Variants in LRP1B observed in about 807,000 individuals in gnomAD.
The protein encoded by LRP1B is low-density lipoprotein receptor-related protein 1B.
In LRP1B, 217 loss-of-function variants were observed where a neutral mutation model predicts 556.6. The observed-to-expected ratio is 0.39, with a 90% CI of 0.35 to 0.44. The LOEUF (loss-of-function observed/expected upper bound fraction) is 0.44, where lower values mean the gene tolerates loss of function less well. Ranked by LOEUF, LRP1B falls within the 20% of genes least tolerant of loss-of-function variation. The pLI is 1.00. For missense variants in LRP1B, 5,053 were observed against 5,620.8 expected, an observed-to-expected ratio of 0.90 and a Z score of 3.23; for synonymous variants, 2,047 against 1,865.8, an observed-to-expected ratio of 1.10 and a Z score of -2.50.
intron 25 of LRP1B, among the ~76,000 whole-genome samples, chr2:140,872,360 A>ATTT (rs59469282): frequency 0.019 from 1,132 of 60,440 alleles, 122 homozygotes; most frequent in East Asian, 0.15. Flanking sequence ...GTGTCACCTG[A>ATTT]TTTTTTTTTT....
At chr2:141,634,799 A>G (rs1195281935) in intron 2 of LRP1B, among the ~76,000 whole-genome samples, 1 of 152,000 alleles carries the variant, frequency 6.6e-6, no homozygotes, top group Non-Finnish European at 1.5e-5. Flanking sequence ...GACCCATTTC[A>G]GCTACGAGAG....
intron 1 of LRP1B, among the ~76,000 whole-genome samples, chr2:141,947,822 A>AG (rs201990088): frequency 8.4e-6 from 1 of 119,482 alleles, no homozygotes. Flanking sequence ...ATCAGAAAAA[A>AG]AAAACAACAA....
intron 2 of LRP1B, among the ~76,000 whole-genome samples, chr2:141,738,845 A>G (rs1693590502): frequency 2.0e-5 from 3 of 152,164 alleles, no homozygotes; most frequent in Admixed American, 2.0e-4. Context: ...TGTGATTAGG[A>G]AATGCCCACA....
At chr2:141,269,497 G>A (rs1215366137) in intron 3 of LRP1B, among the ~76,000 whole-genome samples, 1 of 152,104 alleles carries the variant, frequency 6.6e-6, no homozygotes, top group Non-Finnish European at 1.5e-5. Context: ...TAAACAGATA[G>A]TCAAAGAGAA....
chr2:141,995,404 T>C (rs1369275939), intron 1 of LRP1B, among the ~76,000 whole-genome samples: 1 of 152,202 alleles, frequency 6.6e-6, no homozygotes, highest in Admixed American at 6.6e-5. Flanking sequence ...TTAGCTCATC[T>C]GCTTCTGACT....
intron 1 of LRP1B, among the ~76,000 whole-genome samples, chr2:141,985,839 C>T (rs1407515691): frequency 6.6e-6 from 1 of 151,806 alleles, no homozygotes; most frequent in African/African-American, 2.4e-5. Flanking sequence ...TGTTTCACCT[C>T]AATGAATCCC....
chr2:142,118,554 A>G (rs1425244092), intron 1 of LRP1B, among the ~76,000 whole-genome samples: 1 of 152,094 alleles, frequency 6.6e-6, no homozygotes, highest in Admixed American at 6.6e-5. Context: ...TTTACCTAAT[A>G]TATAAATAAC....
At chr2:141,061,644 C>T (rs564722742) in intron 8 of LRP1B, among the ~76,000 whole-genome samples, 1 of 151,890 alleles carries the variant, frequency 6.6e-6, no homozygotes, top group African/African-American at 2.4e-5. Flanking sequence ...CAGCCATTTG[C>T]TTTTGTTAGC....
chr2:140,984,175 CT>C (rs978337268), intron 17 of LRP1B, among the ~76,000 whole-genome samples: 1 of 151,750 alleles, frequency 6.6e-6, no homozygotes, highest in African/African-American at 2.4e-5. Context: ...TAATTTTTCC[CT>C]TACATATCTC....
At chr2:140,878,743 A>C (rs1029100355) in intron 25 of LRP1B, among the ~76,000 whole-genome samples, 30 of 152,272 alleles carry the variant, frequency 2.0e-4, no homozygotes, top group African/African-American at 6.7e-4. Flanking sequence ...GTGGTGGCTC[A>C]TGCTTGTAAT....
chr2:140,759,215 A>T (rs1688838767), intron 35 of LRP1B, among the ~76,000 whole-genome samples: 1 of 152,124 alleles, frequency 6.6e-6, no homozygotes, highest in South Asian at 2.1e-4. Context: ...TGTTGATGCT[A>T]TTAATATTAG....
At chr2:140,572,823 A>AAAATAAAATAAAATC (rs1304316017) in intron 43 of LRP1B, among the ~76,000 whole-genome samples, 1 of 151,180 alleles carries the variant, frequency 6.6e-6, no homozygotes, top group African/African-American at 2.4e-5. Context: ...AAAATAAAAT[A>AAAATAAAATAAAATC]AAATAAAATA....
rs143920744 is a variant in LRP1B at position 141,570,440 on chromosome 2, T to C, written c.206-89907A>G. On this transcript the variant is annotated intron_variant, in intron 2 of 90. Transcript: ENST00000389484. Reference sequence around the variant, plus strand: ...GATTGAAAGATCCCACTTGCGAATCTACACCACCAGGGCCTAGTGTCCCAA... The same window carrying C: ...GATTGAAAGATCCCACTTGCGAATCCACACCACCAGGGCCTAGTGTCCCAA... Among the ~76,000 whole-genome samples, 301 of 151,324 alleles carry C rather than the reference T, an allele frequency of 2.0e-3. 3 individuals are homozygous for C. The highest frequency in any genetic ancestry group is 6.9e-3 in the African/African-American group (287 of 41,506).
chr2:141,118,377 T>TA (rs1017824871), intron 7 of LRP1B, among the ~76,000 whole-genome samples: 2 of 152,096 alleles, frequency 1.3e-5, no homozygotes, highest in African/African-American at 4.8e-5. Context: ...CTACCAGGTA[T>TA]ACCACTTGTT....
intron 41 of LRP1B, among the ~76,000 whole-genome samples, chr2:140,657,348 G>T (rs756063507): frequency 3.2e-4 from 48 of 151,904 alleles, no homozygotes; most frequent in Admixed American, 7.2e-4. Context: ...GAGAAAGAGA[G>T]GCCCAGAAAC....
intron 1 of LRP1B, among the ~76,000 whole-genome samples, chr2:142,023,488 C>A (rs1703410910): frequency 6.6e-6 from 1 of 152,150 alleles, no homozygotes. Flanking sequence ...ACCAAGAGCA[C>A]ACACAAAGCA....
chr2:141,105,059 A>C (rs1282231094), intron 7 of LRP1B, among the ~76,000 whole-genome samples: 2 of 152,046 alleles, frequency 1.3e-5, no homozygotes, highest in South Asian at 2.1e-4. Context: ...TAGCATGATG[A>C]CTGTATTATA....
At chr2:142,093,180 A>G (rs1338311406) in intron 1 of LRP1B, among the ~76,000 whole-genome samples, 2 of 152,194 alleles carry the variant, frequency 1.3e-5, no homozygotes, top group African/African-American at 4.8e-5. Context: ...CAGTAATTAA[A>G]ACTAACATTG....
rs537435112 is a variant in LRP1B at position 142,078,794 on chromosome 2, G to GT, written c.82+51853dup. 5.4e-3 allele frequency among the ~76,000 whole-genome samples: 819 copies of GT among 152,132 alleles called. 9 individuals carry two copies. The highest frequency in any genetic ancestry group is 0.018 in the African/African-American group (752 of 41,518). ...CACATAATAGGAATGTAATAATAGGGTTTTTTTGGTAATCTAGATAGCACA... is the reference window on the plus strand; with the variant it reads ...CACATAATAGGAATGTAATAATAGGGTTTTTTTTGGTAATCTAGATAGCACA... On this transcript the variant is annotated intron_variant, in intron 1 of 90. Transcript: ENST00000389484.
Sources: gnomAD v4.1 joint callset for allele counts (sites outside exome capture counted in the v4.1 genomes callset) on GRCh38, gnomAD v4.1.1 for gene constraint, MANE v1.5 for transcripts, NCBI Gene and HGNC (gene_info 2026-07-23, HGNC 2026-07-21) for gene names.